The following AKIRIN2 variants were observed in gnomAD, a reference collection of about 807,000 sequenced individuals.
The protein encoded by AKIRIN2 is akirin-2.
A neutral mutation model predicts 29.3 loss-of-function variants in AKIRIN2; 6 were observed. The observed-to-expected ratio is 0.20, with a 90% confidence interval of 0.11 to 0.40. The LOEUF is 0.40. AKIRIN2 is among the 10% of genes least tolerant of loss of function. The pLI is 1.00. For missense variants in AKIRIN2, 210 were observed against 276.1 expected (o/e 0.76, Z 1.70); for synonymous variants, 128 against 117.5 (o/e 1.09, Z -0.58).
chr6:87,690,443 T>C (rs1771260713), intron 1 of AKIRIN2, among the ~76,000 whole-genome samples: 1 of 152,196 alleles, frequency 6.6e-6, no homozygotes, highest in Non-Finnish European at 1.5e-5. Flanking sequence ...TAAGATCAAG[T>C]GTAATTCTAA....
intron 1 of AKIRIN2, among the ~76,000 whole-genome samples, chr6:87,699,617 A>T (rs987717213): frequency 6.6e-6 from 1 of 152,210 alleles, no homozygotes; most frequent in Non-Finnish European, 1.5e-5. Flanking sequence ...AACAATTCCA[A>T]TAATTCCAGT....
At chr6:87,698,967 A>C (rs905518574) in intron 1 of AKIRIN2, among the ~76,000 whole-genome samples, 2 of 152,242 alleles carry the variant, frequency 1.3e-5, no homozygotes, top group African/African-American at 4.8e-5. Flanking sequence ...GCTCTGAAAA[A>C]AAGTCACTTT....
chr6:87,680,777 T>C (rs1450436165), intron 2 of AKIRIN2, among the ~76,000 whole-genome samples: 3 of 136,372 alleles, frequency 2.2e-5, no homozygotes, highest in African/African-American at 8.2e-5. Flanking sequence ...CCCCCCTTTT[T>C]TTTTTTTTTA....
At chr6:87,679,716 G>T (rs527302078) in intron 2 of AKIRIN2, among the ~76,000 whole-genome samples, 304 of 152,236 alleles carry the variant, frequency 2.0e-3, no homozygotes, top group Non-Finnish European at 3.6e-3. Context: ...CAAAGCAGCT[G>T]CAACATCAGC....
Position 87,701,716 on chromosome 6 carries a change from TG to T in AKIRIN2, c.-33del. 7.1e-7 allele frequency: 1 copy of T among 1,400,838 alleles called. No individual in the cohort carries two copies. Among genetic ancestry groups the T allele is most frequent in the Non-Finnish European group, 9.3e-7 (1 of 1,070,914 alleles). 86.8% of individuals were successfully genotyped at this position (1,400,838 alleles called of 1,614,324 possible). A position where few individuals can be genotyped will look rare whatever the true frequency, so the allele number is the denominator to read the frequency against. On this transcript the variant is annotated 5_prime_UTR_variant, in exon 1 of 5. Coordinates refer to ENST00000257787, the MANE Select transcript of AKIRIN2 (RefSeq NM_018064.4). ...GGGCAGCTGAGGCGCCGGGCTCGGG[TG>T]GGGTCGGGGACGGGTGACGAAAGAA...
chr6:87,676,063 T>C (rs991979421), intron 3 of AKIRIN2, 132 bp from the exon 4 acceptor site: 4 of 674,676 alleles, frequency 5.9e-6, no homozygotes, highest in Admixed American at 6.3e-5. Context: ...GTAGTACTAA[T>C]AGTGTATCAA....
In AKIRIN2 at chr6:87,676,600, C is replaced by CACACACACACACACACACACAT. The variant is rs1770999814; in HGVS notation, c.530-670_530-669insATGTGTGTGTGTGTGTGTGTGT. Among the ~76,000 whole-genome samples the CACACACACACACACACACACAT allele has an allele frequency of 1.1e-4, 3 of 27,568 alleles. No homozygotes were observed. In the South Asian group the frequency reaches 4.9e-3, roughly 45 times the overall value. The allele number at this position is 27,568 out of a possible 152,430, so 18.1% of individuals were successfully genotyped here. A position where few individuals can be genotyped will look rare whatever the true frequency, so the allele number is the denominator to read the frequency against. ...TGAAACCCCGTCTCTACTAAAAACA[C>CACACACACACACACACACACAT]ACACACACACACACACACACACACA... On this transcript the variant is annotated intron_variant, in intron 3 of 4. Coordinates refer to ENST00000257787, the MANE Select transcript of AKIRIN2 (RefSeq NM_018064.4).
intron 1 of AKIRIN2, among the ~76,000 whole-genome samples, chr6:87,694,249 C>T (rs1771324782): frequency 6.6e-6 from 1 of 152,026 alleles, no homozygotes; most frequent in Admixed American, 6.6e-5. Context: ...ACTTAGTAAA[C>T]AAGCCTTAAC....
At chr6:87,680,913 G>T (rs1320130050) in intron 2 of AKIRIN2, among the ~76,000 whole-genome samples, 1 of 152,018 alleles carries the variant, frequency 6.6e-6, no homozygotes, top group Non-Finnish European at 1.5e-5. Flanking sequence ...GTGTGAGGCA[G>T]GGTATGTATA....
intron 1 of AKIRIN2, among the ~76,000 whole-genome samples, chr6:87,691,990 G>T (rs1771284469): frequency 1.3e-5 from 2 of 152,166 alleles, no homozygotes; most frequent in Non-Finnish European, 2.9e-5. Context: ...AAAGCCAAAA[G>T]CAAAGATCCA....
At chr6:87,695,902 GCA>G (rs1270278757) in intron 1 of AKIRIN2, among the ~76,000 whole-genome samples, 1 of 152,214 alleles carries the variant, frequency 6.6e-6, no homozygotes, top group Non-Finnish European at 1.5e-5. Context: ...AACCTGCCGG[GCA>G]CAGTGGCTCA....
At chr6:87,691,133 CAAGATCTG>C (rs1269707077) in intron 1 of AKIRIN2, among the ~76,000 whole-genome samples, 2 of 151,992 alleles carry the variant, frequency 1.3e-5, no homozygotes, top group Non-Finnish European at 2.9e-5. Context: ...CGAAGGCTAC[CAAGATCTG>C]ACGATAAAAA....
intron 1 of AKIRIN2, among the ~76,000 whole-genome samples, chr6:87,686,622 T>G (rs1295872493): frequency 6.6e-6 from 1 of 151,970 alleles, no homozygotes; most frequent in African/African-American, 2.4e-5. Flanking sequence ...CGAACAGTTT[T>G]AAGTTTAGGT....
At position 87,675,894 on chromosome 6, in the gene AKIRIN2, T is replaced by C. The variant is rs183921090; in HGVS notation, c.567A>G (p.Gln189=). The part of the protein sequence containing the change: ...YDAFVKFTHD[Q]IMRRYGEQPA... Reference sequence around the variant, plus strand: ...GCTGTTCTCCATATCGTCGCATTATTTGATCATGCGTAAACTTCACAAACG... The same window carrying C: ...GCTGTTCTCCATATCGTCGCATTATCTGATCATGCGTAAACTTCACAAACG... Residue 189 remains glutamine (Q), a synonymous_variant, in exon 4 of 5, where the codon CAA becomes CAG. Transcript: ENST00000257787. 18 of 1,613,870 alleles carry C rather than the reference T, an allele frequency of 1.1e-5. No individual in the cohort carries two copies. In the Admixed American group the frequency reaches 2.5e-4, roughly 22 times the overall value.
intron 1 of AKIRIN2, among the ~76,000 whole-genome samples, chr6:87,698,833 T>C (rs1217721842): frequency 6.6e-6 from 1 of 152,140 alleles, no homozygotes; most frequent in African/African-American, 2.4e-5. Flanking sequence ...ACTAAAATGA[T>C]AGCTAAGGTT....
chr6:87,699,935 G>T (rs1315596611), intron 1 of AKIRIN2, among the ~76,000 whole-genome samples: 1 of 152,044 alleles, frequency 6.6e-6, no homozygotes, highest in Non-Finnish European at 1.5e-5. Context: ...TATTAGTTAA[G>T]TACAGAATCC....
intron 1 of AKIRIN2, among the ~76,000 whole-genome samples, chr6:87,682,399 C>T (rs1771134285): frequency 1.3e-5 from 2 of 152,158 alleles, no homozygotes; most frequent in South Asian, 4.1e-4. Context: ...GTGATTGGTA[C>T]ATGACAGGTC....
intron 1 of AKIRIN2, among the ~76,000 whole-genome samples, chr6:87,687,555 T>G (rs2787919): frequency 0.28 from 42,692 of 151,894 alleles, 7,811 homozygotes; most frequent in African/African-American, 0.52. Context: ...TCTCCTTGAT[T>G]GAATCTTAAG....
intron 2 of AKIRIN2, 97 bp from the exon 3 acceptor site, chr6:87,678,064 G>T (rs1771053860): frequency 1.8e-6 from 2 of 1,108,708 alleles, no homozygotes; most frequent in African/African-American, 1.6e-5. Flanking sequence ...CTTCAATCTT[G>T]ATATAAAAGC....
Sources: allele counts gnomAD v4.1 joint callset (sites outside exome capture counted in the v4.1 genomes callset), GRCh38; gene constraint gnomAD v4.1.1; transcripts MANE v1.5; gene names NCBI Gene and HGNC (gene_info 2026-07-23, HGNC 2026-07-21).